DSCAML1: variants seen among roughly 807,000 people sequenced by gnomAD.
The protein encoded by DSCAML1 is DS cell adhesion molecule like 1, also known as cell adhesion molecule DSCAML1.
A neutral mutation model predicts 200.5 loss-of-function variants in DSCAML1; 38 were observed. The observed-to-expected ratio is 0.19, with a 90% CI of 0.15 to 0.25. The LOEUF is 0.25. Ranked by LOEUF, DSCAML1 falls within the 10% of genes least tolerant of loss-of-function variation. The pLI is 1.00. For missense variants in DSCAML1, 2,223 were observed against 2,858.8 expected (o/e 0.78, Z 5.07); for synonymous variants, 1,215 against 1,165.0 (o/e 1.04, Z -0.87).
chr11:117,798,365 G>A (rs929786503), upstream of DSCAML1, among the ~76,000 whole-genome samples: 21 of 152,228 alleles, frequency 1.4e-4, no homozygotes, highest in African/African-American at 4.3e-4. Flanking sequence ...GTTCACATGG[G>A]AGAATTGGGA....
intron 3 of DSCAML1, among the ~76,000 whole-genome samples, chr11:117,687,426 ATTT>A (rs71037492): frequency 2.6e-4 from 25 of 97,646 alleles, no homozygotes; most frequent in South Asian, 2.0e-3. Context: ...ATGCCTGGCT[ATTT>A]TTTTTTTTTT....
At chr11:117,674,613 G>A (rs2053174605) in intron 3 of DSCAML1, among the ~76,000 whole-genome samples, 1 of 152,146 alleles carries the variant, frequency 6.6e-6, no homozygotes, top group Admixed American at 6.5e-5. Flanking sequence ...ATATCCCGCT[G>A]CAGATTCAGG....
Position 117,675,505 on chromosome 11 carries a change from CAG to C in DSCAML1, c.511+101284_511+101285del, listed in dbSNP as rs1204409558. Reference sequence around the variant, plus strand: ...TTTTTTTTTTTTTTTTTTTTAGAGACAGGGTCTCACCATGTTTCCCAGGTTGA... The same window carrying C: ...TTTTTTTTTTTTTTTTTTTTAGAGACGGTCTCACCATGTTTCCCAGGTTGA... On this transcript the variant is annotated intron_variant, in intron 3 of 32. Coordinates refer to ENST00000651296, the MANE Select transcript of DSCAML1 (RefSeq NM_020693.4). Among the ~76,000 whole-genome samples the C allele has an allele frequency of 4.3e-4, 47 of 109,204 alleles. 2 individuals carry two copies. In the South Asian group the frequency reaches 0.012, roughly 29 times the overall value. The allele number at this position is 109,204 out of a possible 152,430, so 71.6% of individuals were successfully genotyped here.
intron 3 of DSCAML1, among the ~76,000 whole-genome samples, chr11:117,616,191 T>C (rs2051807627): frequency 1.3e-5 from 2 of 152,286 alleles, no homozygotes; most frequent in South Asian, 4.2e-4. Flanking sequence ...ATGCCTCCAG[T>C]GATGGGGTTC....
intron 11 of DSCAML1, among the ~76,000 whole-genome samples, chr11:117,499,381 A>G (rs533406557): frequency 6.6e-6 from 1 of 152,302 alleles, no homozygotes; most frequent in Non-Finnish European, 1.5e-5. Context: ...AACTGGGGTC[A>G]TCTAGTGACT....
chr11:117,551,121 A>G (rs2050460237), intron 3 of DSCAML1, among the ~76,000 whole-genome samples: 1 of 152,218 alleles, frequency 6.6e-6, no homozygotes, highest in African/African-American at 2.4e-5. Flanking sequence ...TTTGGGTTGA[A>G]GGGCCATAAA....
chr11:117,592,208 A>T (rs1242397919), intron 3 of DSCAML1, among the ~76,000 whole-genome samples: 1 of 151,742 alleles, frequency 6.6e-6, no homozygotes, highest in South Asian at 2.1e-4. Flanking sequence ...GTCATCTTAC[A>T]CCCCTCTGCT....
At chr11:117,808,769 A>C (rs571748453) in intron 1 of DSCAML1, among the ~76,000 whole-genome samples, 1 of 152,268 alleles carries the variant, frequency 6.6e-6, no homozygotes, top group East Asian at 1.9e-4. Flanking sequence ...ATGGCTGAAA[A>C]ACACGCAATC....
chr11:117,687,426 A>ATTTTTTTTTTTTTTTTTTTTTTTTTT (rs71037492), intron 3 of DSCAML1, among the ~76,000 whole-genome samples: 6 of 97,646 alleles, frequency 6.1e-5, no homozygotes, highest in East Asian at 2.9e-4. Flanking sequence ...ATGCCTGGCT[A>ATTTTTTTTTTTTTTTTTTTTTTTTTT]TTTTTTTTTT....
chr11:117,717,262 C>T (rs2053966517), intron 3 of DSCAML1, among the ~76,000 whole-genome samples: 1 of 152,134 alleles, frequency 6.6e-6, no homozygotes, highest in Non-Finnish European at 1.5e-5. Flanking sequence ...CGGTCCCCTC[C>T]CTGCACCTGC....
At chr11:117,674,501 C>G (rs1342395752) in intron 3 of DSCAML1, among the ~76,000 whole-genome samples, 1 of 152,146 alleles carries the variant, frequency 6.6e-6, no homozygotes, top group Non-Finnish European at 1.5e-5. Flanking sequence ...ATGGGTACCA[C>G]GTCCTCATGA....
chr11:117,793,866 T>C (rs957083329), intron 1 of DSCAML1, among the ~76,000 whole-genome samples: 1 of 152,122 alleles, frequency 6.6e-6, no homozygotes, highest in Non-Finnish European at 1.5e-5. Flanking sequence ...AAACGAAGCG[T>C]CGGAAAGGCT....
chr11:117,638,151 G>C (rs980915291), intron 3 of DSCAML1, among the ~76,000 whole-genome samples: 41 of 152,172 alleles, frequency 2.7e-4, no homozygotes, highest in African/African-American at 9.7e-4. Context: ...AAACCAGTCA[G>C]TAAACATTAT....
chr11:117,749,897 A>C (rs1350440223), intron 3 of DSCAML1, among the ~76,000 whole-genome samples: 1 of 152,186 alleles, frequency 6.6e-6, no homozygotes, highest in East Asian at 1.9e-4. Context: ...CTGGTTCTTA[A>C]TAATAGTGGA....
At position 117,634,674 on chromosome 11, in the gene DSCAML1, C is replaced by T. The variant is rs1249253075; in HGVS notation, c.512-102152G>A. ...CCAAAGCCACATCCACTTGCAAATC[C>T]TCTTCCCTCCTGCCAACTCCTCCCA... is the stretch of plus-strand genomic sequence containing the variant. On this transcript the variant is annotated intron_variant, in intron 3 of 32. Coordinates refer to ENST00000651296, the MANE Select transcript of DSCAML1 (RefSeq NM_020693.4). Among the ~76,000 whole-genome samples, 3 of 152,204 alleles carry T rather than the reference C, an allele frequency of 2.0e-5. No individual in the cohort carries two copies. The South Asian group carries it at 6.2e-4, about 32-fold the overall frequency.
chr11:117,503,962 G>A lies in DSCAML1; in HGVS notation c.2242C>T (p.Pro748Ser). The A allele has an allele frequency of 6.2e-7, 1 of 1,614,212 alleles. No homozygotes were observed. The highest frequency in any genetic ancestry group is 8.5e-7 in the Non-Finnish European group (1 of 1,180,040). Reference sequence around the variant, plus strand: ...TGGCGGATCAGCAGCGAGCTGTTGGGCAGGATCTGGATGCGGCCAGTGAGG... The same window carrying A: ...TGGCGGATCAGCAGCGAGCTGTTGGACAGGATCTGGATGCGGCCAGTGAGG... ...VPLTGRIQIL[P>S]NSSLLIRHVL... The change falls in exon 11 of 33, where the codon CCC (proline) becomes TCC (serine). Residue 748 changes from proline to serine, a missense_variant. Coordinates refer to ENST00000651296, the MANE Select transcript of DSCAML1 (RefSeq NM_020693.4). This position sits in a 1 kb window ranked among gnomAD's most constrained non-coding sequence, Gnocchi z 5.2.
At chr11:117,794,032 G>GCCC (rs11301503) in intron 1 of DSCAML1, among the ~76,000 whole-genome samples, 3 of 142,706 alleles carry the variant, frequency 2.1e-5, no homozygotes, top group African/African-American at 7.7e-5. Context: ...TTTCCCCATT[G>GCCC]CCCCCCCCCC....
At chr11:117,749,404 T>C (rs1416585725) in intron 3 of DSCAML1, among the ~76,000 whole-genome samples, 1 of 152,216 alleles carries the variant, frequency 6.6e-6, no homozygotes, top group Non-Finnish European at 1.5e-5. Context: ...GCCAACGCTA[T>C]TGACACAGAA....
At chr11:117,789,640 A>C (rs1223707063) in intron 1 of DSCAML1, among the ~76,000 whole-genome samples, 1 of 152,166 alleles carries the variant, frequency 6.6e-6, no homozygotes, top group Non-Finnish European at 1.5e-5. Flanking sequence ...GGTGTATCAG[A>C]GCAACTAGGG....
Sources: allele counts gnomAD v4.1 joint callset (sites outside exome capture counted in the v4.1 genomes callset), GRCh38; gene constraint gnomAD v4.1.1; non-coding constraint Gnocchi (gnomAD v3.1); transcripts MANE v1.5; gene names NCBI Gene and HGNC (gene_info 2026-07-23, HGNC 2026-07-21).